The following WNK2 variants were observed in gnomAD, a reference collection of about 807,000 sequenced individuals.
The protein encoded by WNK2 is serine/threonine-protein kinase WNK2.
Under a neutral mutation model 192.1 loss-of-function variants are expected in WNK2, and 67 were observed. The ratio of observed to expected loss-of-function variants is 0.35; its 90% CI spans 0.29 to 0.43. The LOEUF is 0.43. Ranked by LOEUF, WNK2 falls within the 20% of genes least tolerant of loss-of-function variation. WNK2 has a pLI of 1.00. For missense variants in WNK2, 2,698 were observed against 3,089.7 expected (o/e 0.87, Z 3.01); for synonymous variants, 1,439 against 1,393.9 (o/e 1.03, Z -0.72).
rs759727110 is a variant in WNK2, at chr9:93,252,888, A to G, written c.1840A>G (p.Ser614Gly). The G allele has an allele frequency of 6.7e-7, 1 of 1,486,172 alleles. No homozygotes were observed. The highest frequency in any genetic ancestry group is 1.3e-5 in the South Asian group (1 of 75,116). 92.1% of individuals were successfully genotyped at this position (1,486,172 alleles called of 1,614,324 possible). Reference sequence around the variant, plus strand: ...CCTGCTTTTGTCCTCCCCAGCGGACAGCACCTTCGACAGCGGCCAGGGCTC... The same window carrying G: ...CCTGCTTTTGTCCTCCCCAGCGGACGGCACCTTCGACAGCGGCCAGGGCTC... The part of the protein sequence containing the change: ...PTSATSLASD[S>G]TFDSGQGSTV... The change falls in exon 9 of 30, where the codon AGC becomes GGC. Residue 614 changes from serine to glycine, a missense_variant. Physicochemically the swap from Ser to Gly is moderately conservative, Grantham distance 56. Coordinates refer to ENST00000427277, the MANE Select transcript of WNK2 (RefSeq NM_006648.4).
chr9:93,250,296 A>T (rs953399234), intron 8 of WNK2, among the ~76,000 whole-genome samples: 1 of 152,064 alleles, frequency 6.6e-6, no homozygotes, highest in Non-Finnish European at 1.5e-5. Flanking sequence ...CCTGCATGCA[A>T]ATGGACACAT....
intron 2 of WNK2, among the ~76,000 whole-genome samples, chr9:93,225,615 T>C (rs1837682554): frequency 6.6e-6 from 1 of 152,182 alleles, no homozygotes; most frequent in Non-Finnish European, 1.5e-5. Context: ...CTACTTCCCG[T>C]TTTTTCTTAG....
At chr9:93,302,922 T>C (rs1291524962) in intron 26 of WNK2, among the ~76,000 whole-genome samples, 4 of 74,852 alleles carry the variant, frequency 5.3e-5, no homozygotes, top group Non-Finnish European at 1.1e-4. Context: ...CAGAGCAGTC[T>C]CCCTTTTTTT....
chr9:93,262,268 G>C (rs1410108696), intron 13 of WNK2, among the ~76,000 whole-genome samples, 161 bp downstream of exon 13: 1 of 152,248 alleles, frequency 6.6e-6, no homozygotes, highest in African/African-American at 2.4e-5. Context: ...CACACTTTCT[G>C]TAAGCCACAT....
intron 28 of WNK2, among the ~76,000 whole-genome samples, chr9:93,310,968 A>C (rs1853542915): frequency 6.6e-6 from 1 of 152,182 alleles, no homozygotes. Context: ...TGTCTCAAAA[A>C]TAAATAAATT....
chr9:93,307,032 G>A, intron 27 of WNK2: 1 of 620,342 alleles, frequency 1.6e-6, no homozygotes, highest in Non-Finnish European at 2.9e-6. Flanking sequence ...GGCGCCTAGA[G>A]TTTGTGCGGT....
Position 93,319,726 on chromosome 9 carries a change from G to C in WNK2, c.6629-641G>C, listed in dbSNP as rs74532047. Among the ~76,000 whole-genome samples, 67 of 152,346 alleles carry C rather than the reference G, an allele frequency of 4.4e-4. 1 individual carries two copies. In the East Asian group the frequency reaches 0.013, roughly 29 times the overall value. ...CTTGTTGAGAGGAGGACTTGGGGCT[G>C]GGGTTGCCCATGGATCATGCAAGGG... On this transcript the variant is annotated intron_variant, in intron 29 of 29. Coordinates refer to ENST00000427277, the MANE Select transcript of WNK2 (RefSeq NM_006648.4).
chr9:93,185,448 C>T lies in WNK2; in HGVS notation c.519C>T (p.Pro173=), dbSNP rs773293444. The change falls in exon 2 of 30, where the codon CCC becomes CCT. Residue 173 remains proline, a synonymous_variant. Coordinates refer to ENST00000427277, the MANE Select transcript of WNK2 (RefSeq NM_006648.4). Reference sequence around the variant, plus strand: ...CCGGGCGCACTCGCCGGGACGAGCCCGAAGAGGAGGAGGACGACGAGGACG... The same window carrying T: ...CCGGGCGCACTCGCCGGGACGAGCCTGAAGAGGAGGAGGACGACGAGGACG... The part of the protein sequence containing the change: ...PEPGRTRRDE[P]EEEEDDEDDL... 4 of 1,612,242 alleles carry T rather than the reference C, an allele frequency of 2.5e-6. No homozygotes were observed. The highest frequency in any genetic ancestry group is 2.7e-5 in the African/African-American group (2 of 74,922).
Position 93,257,260 on chromosome 9 carries a change from C to A in WNK2, c.2382+121C>A. The A allele has an allele frequency of 8.8e-7, 1 of 1,141,602 alleles. No homozygotes were observed. Among genetic ancestry groups the A allele is most frequent in the Non-Finnish European group, 1.2e-6 (1 of 820,550 alleles). The allele number at this position is 1,141,602 out of a possible 1,614,324, so 70.7% of individuals were successfully genotyped here. A position where few individuals can be genotyped will look rare whatever the true frequency, so the allele number is the denominator to read the frequency against. ...ATGTGACCTGTGACCTGGGGTTGGG[C>A]TGGCCAGGGAGTTGGGGCTGGGCTG... is the stretch of plus-strand genomic sequence containing the variant. On this transcript the variant is annotated intron_variant, in intron 11 of 29. Transcript: ENST00000427277. This position sits in a 1 kb window ranked among gnomAD's most constrained non-coding sequence, Gnocchi z 4.7.
At chr9:93,256,819 C>T in intron 10 of WNK2, 129 bp from the exon 11 acceptor site, 1 of 844,048 alleles carries the variant, frequency 1.2e-6, no homozygotes, top group East Asian at 2.7e-5. Flanking sequence ...TGTGTGCAGG[C>T]ATGTGTGAAT....
chr9:93,259,763 C>G lies in WNK2; in HGVS notation c.3066+149C>G. 1 of 742,880 alleles carries G rather than the reference C, an allele frequency of 1.3e-6. No homozygotes were observed. Among genetic ancestry groups the G allele is most frequent in the Non-Finnish European group, 2.1e-6 (1 of 473,374 alleles). The allele number at this position is 742,880 out of a possible 1,614,324, so 46.0% of individuals were successfully genotyped here. ...GAGATGTGTGTGAGGCTGAGGGAGG[C>G]GGGGGCTGGCGCCAGCGCGAGGCAT... On this transcript the variant is annotated intron_variant, in intron 12 of 29. Coordinates refer to ENST00000427277, the MANE Select transcript of WNK2 (RefSeq NM_006648.4). This position sits in a 1 kb window ranked among gnomAD's most constrained non-coding sequence, Gnocchi z 4.8.
chr9:93,256,373 C>T lies in WNK2; in HGVS notation c.2109C>T (p.Ala703=), dbSNP rs752891208. 2 of 1,575,196 alleles carry T rather than the reference C, an allele frequency of 1.3e-6. No individual in the cohort carries two copies. Among genetic ancestry groups the T allele is most frequent in the Non-Finnish European group, 1.7e-6 (2 of 1,166,734 alleles). ...PSLQQHFPDP[A]MSFAPVLPPP... ...TCCAGCAGCACTTCCCGGATCCGGC[C>T]ATGAGCTTCGCCCCCGTGCTGCCGC... is the stretch of plus-strand genomic sequence containing the variant. The change falls in exon 10 of 30, where the codon GCC becomes GCT. Residue 703 remains alanine (A), a synonymous_variant. Transcript: ENST00000427277.
At chr9:93,258,140 A>G (rs1441010576) in intron 11 of WNK2, among the ~76,000 whole-genome samples, 3 of 152,204 alleles carry the variant, frequency 2.0e-5, no homozygotes, top group Admixed American at 6.5e-5. Context: ...ACAGGAGTCC[A>G]TGTGCATTTT....
At chr9:93,195,724 A>AG (rs1831154162) in intron 2 of WNK2, among the ~76,000 whole-genome samples, 26 of 147,344 alleles carry the variant, frequency 1.8e-4, no homozygotes, top group Non-Finnish European at 1.5e-5. Context: ...AAAAAAAAAA[A>AG]GATGTTGCTG....
At chr9:93,211,230 TCAC>T (rs1563997214) in intron 2 of WNK2, among the ~76,000 whole-genome samples, 1 of 127,476 alleles carries the variant, frequency 7.8e-6, no homozygotes, top group African/African-American at 3.2e-5. Flanking sequence ...ATCCACTCAC[TCAC>T]TCACTCATTC....
chr9:93,300,890 G>T (rs935481683), intron 26 of WNK2, among the ~76,000 whole-genome samples: 1 of 152,186 alleles, frequency 6.6e-6, no homozygotes, highest in Non-Finnish European at 1.5e-5. Context: ...ACGGCCACCT[G>T]GGCAGCTCTT....
At chr9:93,219,951 C>T (rs781737919) in intron 2 of WNK2, among the ~76,000 whole-genome samples, 9 of 152,242 alleles carry the variant, frequency 5.9e-5, no homozygotes, top group Non-Finnish European at 1.2e-4. Context: ...CCGGGCTCCT[C>T]CTGGCTGGGA....
rs143815173 is a variant in WNK2 at position 93,308,488 on chromosome 9, G to A, written c.6420G>A (p.Ala2140=). 639 of 1,608,510 alleles carry A rather than the reference G, an allele frequency of 4.0e-4. 13 individuals carry two copies. In the East Asian group the frequency reaches 0.014, roughly 35 times the overall value. ...GGACGAGCAAGACGGTGGGGGCCGC[G>A]CAGCTGAAGCCCACGCTCAACCAGC... The part of the protein sequence containing the change: ...DEWTSKTVGA[A]QLKPTLNQLK... The change falls in exon 28 of 30, where the codon GCG becomes GCA. Residue 2140 remains alanine, a synonymous_variant. Transcript: ENST00000427277.
At chr9:93,304,000 C>T (rs139036110) in intron 26 of WNK2, among the ~76,000 whole-genome samples, 1,791 of 152,290 alleles carry the variant, frequency 0.012, 35 homozygotes, top group African/African-American at 0.041. Flanking sequence ...CGCCAGGGCA[C>T]CCATGATGGG....
Sources: allele counts gnomAD v4.1 joint callset (sites outside exome capture counted in the v4.1 genomes callset), GRCh38; gene constraint gnomAD v4.1.1; non-coding constraint Gnocchi (gnomAD v3.1); transcripts MANE v1.5; gene names NCBI Gene and HGNC (gene_info 2026-07-23, HGNC 2026-07-21).